The following TFRC variants were observed in gnomAD, a reference collection of about 807,000 sequenced individuals.
TFRC encodes transferrin receptor protein 1.
Under a neutral mutation model 85.8 loss-of-function variants are expected in TFRC, and 35 were observed. That is an observed-to-expected ratio of 0.41 (90% CI 0.31 to 0.54). TFRC has a LOEUF of 0.54. TFRC is among the 20% of genes least tolerant of loss of function. The pLI is 0.31. For synonymous variants in TFRC, 362 were observed against 328.6 expected, an observed-to-expected ratio of 1.10 and a Z score of -1.10; for missense variants, 828 against 921.5, an observed-to-expected ratio of 0.90 and a Z score of 1.31.
intron 1 of TFRC, among the ~76,000 whole-genome samples, chr3:196,078,267 T>C (rs1487788686): frequency 6.6e-6 from 1 of 152,098 alleles, no homozygotes; most frequent in African/African-American, 2.4e-5. Flanking sequence ...TTTTCCTATA[T>C]ACGAGTACAC....
At chr3:196,061,085 A>G (rs1717244558) in intron 13 of TFRC, among the ~76,000 whole-genome samples, 2 of 152,168 alleles carry the variant, frequency 1.3e-5, no homozygotes, top group South Asian at 4.1e-4. Context: ...ACATTTCACT[A>G]TTCTCAGCTC....
At chr3:196,063,067 G>C in intron 11 of TFRC, 128 bp from the exon 12 acceptor site, 1 of 612,106 alleles carries the variant, frequency 1.6e-6, no homozygotes, top group Admixed American at 3.6e-5. Context: ...TTTTTTTTCT[G>C]AGCCAAAAAA....
intron 13 of TFRC, among the ~76,000 whole-genome samples, chr3:196,061,135 T>C (rs1388226784): frequency 6.6e-6 from 1 of 152,208 alleles, no homozygotes; most frequent in Non-Finnish European, 1.5e-5. Flanking sequence ...CCCATTCCTG[T>C]TGAATGTACA....
rs532888371 is a variant in TFRC at position 196,075,670 on chromosome 3, T to TC, written c.37-311dup. Reference sequence around the variant, plus strand: ...CCTCAAAATCCTGGGCTCTACTGATTCCCCCACCTCAGCCTCCTGAGTAGC... The same window carrying TC: ...CCTCAAAATCCTGGGCTCTACTGATTCCCCCCACCTCAGCCTCCTGAGTAGC... On this transcript the variant is annotated intron_variant, in intron 2 of 18. Coordinates refer to ENST00000360110, the MANE Select transcript of TFRC (RefSeq NM_001128148.3). 8.6e-5 allele frequency among the ~76,000 whole-genome samples: 13 copies of TC among 151,850 alleles called. 1 individual carries two copies. In the South Asian group the frequency reaches 2.3e-3, roughly 27 times the overall value.
At position 196,055,155 on chromosome 3, in the gene TFRC, G is replaced by T; in HGVS notation, c.1824C>A (p.Asn608Lys). The T allele has an allele frequency of 1.2e-6, 2 of 1,614,184 alleles. No homozygotes were observed. The highest frequency in any genetic ancestry group is 1.7e-6 in the Non-Finnish European group (2 of 1,180,036). Residue 608 changes from asparagine to lysine, a missense_variant, in exon 17 of 19, where the codon AAC becomes AAA. By Grantham distance (94) the Asn-to-Lys change is moderately conservative (BLOSUM62 0). Coordinates refer to ENST00000360110, the MANE Select transcript of TFRC (RefSeq NM_001128148.3). The stretch of plus-strand genomic sequence containing the variant: ...GGCTGTTGTACCTCTCATAGTCCAG[G>T]TTCAATTCAACATCATGGGTTAGTT... ...VIKLTHDVELNLDYERYNSQL... is the reference protein window; with the variant it reads ...VIKLTHDVELKLDYERYNSQL...
chr3:196,058,939 G>T (rs1717047803), intron 14 of TFRC: 1 of 175,878 alleles, frequency 5.7e-6, no homozygotes, highest in Non-Finnish European at 1.2e-5. Flanking sequence ...GGCCGAGCTG[G>T]GAGGATCACT....
chr3:196,057,785 AAAAAAAAAAAAAACAAAAC>A (rs1017797627), intron 16 of TFRC, among the ~76,000 whole-genome samples: 4 of 150,184 alleles, frequency 2.7e-5, no homozygotes, highest in African/African-American at 9.8e-5. Flanking sequence ...CATTGTCAAA[AAAAAAAAAAAAAACAAAAC>A]AAAAAACAAA....
chr3:196,079,753 A>G (rs1384685943), intron 1 of TFRC, among the ~76,000 whole-genome samples: 8 of 152,258 alleles, frequency 5.3e-5, no homozygotes, highest in Non-Finnish European at 1.2e-4. Context: ...GTTTTGAACC[A>G]TGAAATGGAA....
rs566572930 is a variant in TFRC at position 196,051,051 on chromosome 3, GATAA to G, written c.*887_*890del. On this transcript the variant is annotated 3_prime_UTR_variant, in exon 19 of 19. Transcript: ENST00000360110. ...ACCATTTATAGTGAACTCTGTCACT[GATAA>G]ATAAACAATAAATATCTCAGTGCCA... The G allele has an allele frequency of 5.2e-5, 11 of 210,190 alleles. No individual in the cohort carries two copies. Among genetic ancestry groups the G allele is most frequent in the Non-Finnish European group, 9.7e-5 (10 of 103,266 alleles). 13.0% of individuals were successfully genotyped at this position (210,190 alleles called of 1,614,324 possible).
intron 16 of TFRC, chr3:196,055,671 G>C: frequency 6.8e-6 from 2 of 295,862 alleles, no homozygotes; most frequent in Non-Finnish European, 1.3e-5. Flanking sequence ...TTGAGACGAG[G>C]TCTCTCTGTC....
At chr3:196,059,617 T>TA (rs111399847) in intron 14 of TFRC, among the ~76,000 whole-genome samples, 9 of 151,600 alleles carry the variant, frequency 5.9e-5, no homozygotes, top group Non-Finnish European at 1.2e-4. Context: ...TTTATTTATT[T>TA]TTTTTTTAAT....
At position 196,051,623 on chromosome 3, in the gene TFRC, T is replaced by G; in HGVS notation, c.*319A>C. The stretch of plus-strand genomic sequence containing the variant: ...GACCAGCCCTTAGGATTCAGAGAGA[T>G]CATTCACATAACTGGTTTCTGACAT... On this transcript the variant is annotated 3_prime_UTR_variant, in exon 19 of 19. Coordinates refer to ENST00000360110, the MANE Select transcript of TFRC (RefSeq NM_001128148.3). The G allele has an allele frequency of 2.9e-6, 1 of 346,154 alleles. No homozygotes were observed. The highest frequency in any genetic ancestry group is 4.5e-5 in the South Asian group (1 of 22,294). The allele number at this position is 346,154 out of a possible 1,614,324, so 21.4% of individuals were successfully genotyped here.
chr3:196,055,315 C>A lies in TFRC; in HGVS notation c.1678-14G>T. ...ATAATCTGTGTCCTGCAAGACAACG[C>A]GAGGCTATGGTACTCACGTGAGTTC... On this transcript the variant is annotated splice_polypyrimidine_tract_variant and intron_variant, in intron 16 of 18. Coordinates refer to ENST00000360110, the MANE Select transcript of TFRC (RefSeq NM_001128148.3). The A allele has an allele frequency of 1.9e-6, 3 of 1,603,326 alleles. No individual in the cohort carries two copies. Among genetic ancestry groups the A allele is most frequent in the South Asian group, 2.2e-5 (2 of 90,856 alleles).
At chr3:196,060,036 T>C (rs1717141743) in intron 14 of TFRC, 144 bp downstream of exon 14, 1 of 619,184 alleles carries the variant, frequency 1.6e-6, no homozygotes, top group African/African-American at 1.9e-5. Flanking sequence ...AATAGGCAAG[T>C]ATCCCTTAAA....
At chr3:196,082,015 C>A (rs895992928) in intron 1 of TFRC, 28 bp downstream of exon 1, 8 of 152,524 alleles carry the variant, frequency 5.2e-5, no homozygotes, top group African/African-American at 1.9e-4. Flanking sequence ...ACACGAGGGT[C>A]GGTGTAGTTC....
chr3:196,058,535 C>T (rs755579472), intron 15 of TFRC, 39 bp downstream of exon 15: 2 of 1,588,446 alleles, frequency 1.3e-6, no homozygotes, highest in East Asian at 2.2e-5. Flanking sequence ...AGAATCTCTG[C>T]TTTTCTATTA....
At chr3:196,067,111 C>T (rs745636385) in intron 9 of TFRC, among the ~76,000 whole-genome samples, 17 of 152,146 alleles carry the variant, frequency 1.1e-4, no homozygotes, top group African/African-American at 1.7e-4. Context: ...GGAATCATAC[C>T]GTATTGCTTA....
At chr3:196,053,664 C>T (rs9809253) in intron 17 of TFRC, 106 bp from the exon 18 acceptor site, 221,608 of 1,414,436 alleles carry the variant, frequency 0.16, 19,664 homozygotes, top group Middle Eastern at 0.24. Flanking sequence ...AAAAGGAACT[C>T]GCAGATAAGC....
chr3:196,053,883 C>T (rs1347968206), intron 17 of TFRC, among the ~76,000 whole-genome samples: 1 of 152,184 alleles, frequency 6.6e-6, no homozygotes, highest in African/African-American at 2.4e-5. Context: ...CAAGGTACTT[C>T]AGGATTTAGT....
Sources: gnomAD v4.1 joint callset for allele counts (sites outside exome capture counted in the v4.1 genomes callset) on GRCh38, gnomAD v4.1.1 for gene constraint, MANE v1.5 for transcripts, NCBI Gene and HGNC (gene_info 2026-07-23, HGNC 2026-07-21) for gene names.